The following TCF7 variants were observed in gnomAD, a reference collection of about 807,000 sequenced individuals.
TCF7 encodes the protein transcription factor 7.
TCF7 carries 19 observed loss-of-function variants against 46.8 expected under a neutral mutation model. The observed-to-expected ratio is 0.41, with a 90% CI of 0.28 to 0.60. The LOEUF (loss-of-function observed/expected upper bound fraction) is 0.60, where lower values mean the gene tolerates loss of function less well. Among genes scored for constraint, TCF7 ranks in the 20% least tolerant of loss-of-function variants. The probability of loss-of-function intolerance (pLI) is 0.35; values close to 1 mark genes in which losing one functional copy is unlikely to be tolerated. For synonymous variants in TCF7, 245 were observed against 213.4 expected, an observed-to-expected ratio of 1.15 and a Z score of -1.29; for missense variants, 547 against 504.6, an observed-to-expected ratio of 1.08 and a Z score of -0.81.
rs1755620850 is a variant in TCF7 at position 134,115,147 on chromosome 5, G to A, written c.241G>A (p.Glu81Lys). ...GGGGGCCGGCGCCGGGGCCCGCGGC[G>A]AGGCCGAGGTGAGCCCCCGCCGGCG... ...VPGAGAGARG[E>K]AEALGREHAA... Residue 81 changes from glutamate (E) to lysine (K), a missense_variant, in exon 1 of 10, where the codon GAG becomes AAG. Physicochemically the swap from Glu to Lys is moderately conservative, Grantham distance 56 (BLOSUM62 1). Transcript: ENST00000342854. 4.9e-6 allele frequency: 5 copies of A among 1,016,658 alleles called. No homozygotes were observed. The South Asian group carries it at 2.3e-4, about 46-fold the overall frequency. The allele number at this position is 1,016,658 out of a possible 1,614,324, so 63.0% of individuals were successfully genotyped here. A position where few individuals can be genotyped will look rare whatever the true frequency, so the allele number is the denominator to read the frequency against.
chr5:134,130,036 G>A lies in TCF7; in HGVS notation c.442-8023G>A, dbSNP rs535756901. ...GCGTCTGGCACAGGGCATCCAGCAC[G>A]CTGTGGGCAGGGAGCTTGCGGGCCG... is the stretch of plus-strand genomic sequence containing the variant. On this transcript the variant is annotated intron_variant, in intron 3 of 9. Transcript: ENST00000342854. Among the ~76,000 whole-genome samples, 91 of 152,370 alleles carry A rather than the reference G, an allele frequency of 6.0e-4. 1 individual carries two copies. The South Asian group carries it at 9.5e-3, about 16-fold the overall frequency.
At chr5:134,120,377 A>C (rs565717370) in intron 3 of TCF7, among the ~76,000 whole-genome samples, 1 of 152,232 alleles carries the variant, frequency 6.6e-6, no homozygotes, top group East Asian at 1.9e-4. Context: ...CACATCTCTC[A>C]CCTGATGAGA....
At chr5:134,134,117 C>T (rs758033438) in intron 3 of TCF7, among the ~76,000 whole-genome samples, 3 of 152,218 alleles carry the variant, frequency 2.0e-5, no homozygotes, top group Non-Finnish European at 2.9e-5. Flanking sequence ...ACCACCTACT[C>T]CCAGGGGAAG....
upstream of TCF7, among the ~76,000 whole-genome samples, chr5:134,114,391 C>T (rs1253796096): frequency 1.3e-5 from 2 of 152,142 alleles, no homozygotes; most frequent in East Asian, 3.9e-4. Context: ...TAGGGGACCC[C>T]CGCCCTCCAC....
chr5:134,132,194 G>A (rs1758213478), intron 3 of TCF7, among the ~76,000 whole-genome samples: 1 of 152,228 alleles, frequency 6.6e-6, no homozygotes, highest in African/African-American at 2.4e-5. Context: ...TTCCCCATCT[G>A]TCAGGTGGGC....
At chr5:134,111,047 G>C (rs183214836), upstream of TCF7, among the ~76,000 whole-genome samples, 226 of 152,240 alleles carry the variant, frequency 1.5e-3, no homozygotes, top group African/African-American at 5.1e-3. Context: ...TCTTCACTAG[G>C]GTACAGTGGT....
Position 134,115,308 on chromosome 5 carries a change from G to C in TCF7, c.250-13G>C. ...TCCCACCGCCCCTCACTCCCCTCCG[G>C]TTCTCCCTCCAGGCTCTCGGGCGGG... is the stretch of plus-strand genomic sequence containing the variant. On this transcript the variant is annotated splice_polypyrimidine_tract_variant and intron_variant, in intron 1 of 9. Coordinates refer to ENST00000342854, the MANE Select transcript of TCF7 (RefSeq NM_003202.5). The C allele has an allele frequency of 6.4e-7, 1 of 1,565,316 alleles. No homozygotes were observed. Among genetic ancestry groups the C allele is most frequent in the Non-Finnish European group, 8.6e-7 (1 of 1,156,470 alleles).
upstream of TCF7, among the ~76,000 whole-genome samples, chr5:134,112,094 C>T (rs1258610917): frequency 1.3e-5 from 2 of 152,116 alleles, no homozygotes; most frequent in Non-Finnish European, 2.9e-5. Flanking sequence ...CCTGTGGGGC[C>T]GCACCAACTT....
chr5:134,126,363 G>A (rs545245477), intron 3 of TCF7, among the ~76,000 whole-genome samples: 1 of 152,232 alleles, frequency 6.6e-6, no homozygotes, highest in Non-Finnish European at 1.5e-5. Flanking sequence ...AGGGTCGATG[G>A]CCATGTTGCA....
rs147096093 is a variant in TCF7 at position 134,142,784 on chromosome 5, C to T, written c.819C>T (p.Leu273=). ...EAKKPTIKKP[L]NAFMLYMKEM... Reference sequence around the variant, plus strand: ...AGAAGCCAACCATCAAGAAGCCCCTCAATGCCTTCATGCTGTACATGAAGG... The same window carrying T: ...AGAAGCCAACCATCAAGAAGCCCCTTAATGCCTTCATGCTGTACATGAAGG... The change falls in exon 7 of 10, where the codon CTC becomes CTT. Residue 273 remains leucine, a synonymous_variant. Coordinates refer to ENST00000342854, the MANE Select transcript of TCF7 (RefSeq NM_003202.5). 1,356 of 1,614,202 alleles carry T rather than the reference C, an allele frequency of 8.4e-4. 13 individuals are homozygous for T. In the South Asian group the frequency reaches 9.5e-3, roughly 11 times the overall value.
intron 3 of TCF7, among the ~76,000 whole-genome samples, chr5:134,132,235 T>C (rs1032140185): frequency 3.3e-5 from 5 of 152,258 alleles, no homozygotes; most frequent in Admixed American, 6.5e-5. Context: ...CATAGGTCTA[T>C]GTTAGGAGTA....
At chr5:134,113,820 G>A (rs1449559287), upstream of TCF7, among the ~76,000 whole-genome samples, 1 of 152,256 alleles carries the variant, frequency 6.6e-6, no homozygotes, top group African/African-American at 2.4e-5. Flanking sequence ...TCAGGCCAGG[G>A]TCAACTTCAG....
chr5:134,136,730 C>T (rs1735725507), intron 3 of TCF7, among the ~76,000 whole-genome samples: 1 of 152,160 alleles, frequency 6.6e-6, no homozygotes. Context: ...GGCCATGAAC[C>T]CTATTCACTA....
intron 9 of TCF7, chr5:134,145,552 GATA>G (rs1760571384): frequency 1.6e-6 from 1 of 640,326 alleles, no homozygotes; most frequent in African/African-American, 1.8e-5. Context: ...GCAGGGCTAA[GATA>G]GAGGGTACTC....
chr5:134,108,875 C>T, the TCF7 span, among the ~76,000 whole-genome samples: 44 of 152,156 alleles, frequency 2.9e-4, no homozygotes, highest in Non-Finnish European at 5.1e-4. Context: ...ACTGCCCCAC[C>T]CGGAAAAGGC....
chr5:134,130,410 C>T (rs997441334), intron 3 of TCF7, among the ~76,000 whole-genome samples: 1 of 152,176 alleles, frequency 6.6e-6, no homozygotes, highest in Non-Finnish European at 1.5e-5. Context: ...TGGGCCCTAG[C>T]AGTGCAAAGA....
chr5:134,135,335 G>A (rs547832829), intron 3 of TCF7, among the ~76,000 whole-genome samples: 64 of 152,244 alleles, frequency 4.2e-4, no homozygotes, highest in African/African-American at 1.4e-3. Flanking sequence ...GAAGTGACAC[G>A]ATCTGATTCC....
At chr5:134,122,610 A>G (rs1260718832) in intron 3 of TCF7, among the ~76,000 whole-genome samples, 1 of 152,086 alleles carries the variant, frequency 6.6e-6, no homozygotes, top group Non-Finnish European at 1.5e-5. Flanking sequence ...AAGTCGCATA[A>G]CTGCTGAGGT....
chr5:134,122,423 G>A (rs1198680555), intron 3 of TCF7, among the ~76,000 whole-genome samples: 2 of 152,124 alleles, frequency 1.3e-5, no homozygotes, highest in South Asian at 2.1e-4. Flanking sequence ...GGCAGCACAC[G>A]GGAATATTCA....
Sources: allele counts gnomAD v4.1 joint callset (sites outside exome capture counted in the v4.1 genomes callset), GRCh38; gene constraint gnomAD v4.1.1; transcripts MANE v1.5; gene names NCBI Gene and HGNC (gene_info 2026-07-23, HGNC 2026-07-21).